Variants in HPCAL1 observed in about 807,000 individuals in gnomAD.
HPCAL1 encodes hippocalcin like 1, also known as hippocalcin-like protein 1.
A neutral mutation model predicts 17.1 loss-of-function variants in HPCAL1; 8 were observed. That is an observed-to-expected ratio of 0.47 (90% CI 0.27 to 0.84). The LOEUF (loss-of-function observed/expected upper bound fraction) is 0.84, where lower values mean the gene tolerates loss of function less well. Ranked by LOEUF, HPCAL1 falls within the 40% of genes least tolerant of loss-of-function variation. HPCAL1 has a pLI of 0.13. For synonymous variants in HPCAL1, 112 were observed against 111.4 expected (o/e 1.01, Z -0.03); for missense variants, 165 against 271.1 (o/e 0.61, Z 2.75).
chr2:10,402,573 AC>A (rs1669689332), intron 2 of HPCAL1, among the ~76,000 whole-genome samples: 2 of 152,268 alleles, frequency 1.3e-5, no homozygotes, highest in African/African-American at 4.8e-5. Flanking sequence ...TGCTGGGGCC[AC>A]CGAGGGCGGC....
At chr2:10,408,621 A>G (rs115487491) in intron 2 of HPCAL1, 3 of 152,140 alleles carry the variant, frequency 2.0e-5, no homozygotes, top group African/African-American at 7.2e-5. Flanking sequence ...GCCCCTCCCC[A>G]CCAGCCTCAT....
chr2:10,410,430 CTT>C (rs1379106434), intron 2 of HPCAL1, among the ~76,000 whole-genome samples: 4 of 102,786 alleles, frequency 3.9e-5, no homozygotes, highest in African/African-American at 1.4e-4. Flanking sequence ...TCTTTTTCTT[CTT>C]CTTCTTTTTT....
chr2:10,404,370 G>C (rs1669841538), intron 2 of HPCAL1, among the ~76,000 whole-genome samples: 1 of 152,212 alleles, frequency 6.6e-6, no homozygotes. Context: ...TGCTGGGTGA[G>C]TGTTTCCCCA....
rs1196205322 is a variant in HPCAL1 at position 10,339,900 on chromosome 2, G to A, written c.-111+36723G>A. ...GCCTGAGCCCCTGCGTGCGCCCAGC[G>A]GAGCCAGCACTCTCCCTGTGGTCCT... On this transcript the variant is annotated intron_variant, in intron 1 of 4. Transcript: ENST00000307845. Among the ~76,000 whole-genome samples the A allele has an allele frequency of 6.6e-5, 10 of 152,196 alleles. 1 individual carries two copies. Among genetic ancestry groups the A allele is most frequent in the Admixed American group, 5.2e-4 (8 of 15,284 alleles).
In HPCAL1 at chr2:10,417,213, A is replaced by C. The variant is rs551833132; in HGVS notation, c.-24-2521A>C. Among the ~76,000 whole-genome samples, 10 of 152,232 alleles carry C rather than the reference A, an allele frequency of 6.6e-5. No homozygotes were observed. The South Asian group carries it at 2.1e-3, about 32-fold the overall frequency. ...CCCCATCTCTACTAAAAATACAAAA[A>C]TTAGCTGGGCATGGTGGTGCATACC... On this transcript the variant is annotated intron_variant, in intron 2 of 4. Transcript: ENST00000307845.
At chr2:10,418,312 T>G (rs1670802869) in intron 2 of HPCAL1, among the ~76,000 whole-genome samples, 1 of 151,988 alleles carries the variant, frequency 6.6e-6, no homozygotes, top group Non-Finnish European at 1.5e-5. Flanking sequence ...TGCATGCCTA[T>G]AATCCTAGCT....
chr2:10,364,729 G>A (rs772456695), intron 1 of HPCAL1, among the ~76,000 whole-genome samples: 7 of 152,060 alleles, frequency 4.6e-5, no homozygotes, highest in Non-Finnish European at 4.4e-5. Context: ...GGGACTACAG[G>A]TGCATGCCCC....
rs1462028773 is a variant in HPCAL1, at chr2:10,363,600, C to T, written c.-110-33235C>T. On this transcript the variant is annotated intron_variant, in intron 1 of 4. Coordinates refer to ENST00000307845, the MANE Select transcript of HPCAL1 (RefSeq NM_002149.4). This position sits in a 1 kb window ranked among gnomAD's most constrained non-coding sequence, Gnocchi z 4.7. Reference sequence around the variant, plus strand: ...CGAAGCCTCCTCCTGTCAGAACCACCGGGGAGCTCACAAGCTAAAGTGCAG... The same window carrying T: ...CGAAGCCTCCTCCTGTCAGAACCACTGGGGAGCTCACAAGCTAAAGTGCAG... Among the ~76,000 whole-genome samples the T allele has an allele frequency of 1.3e-5, 2 of 152,184 alleles. No homozygotes were observed. The highest frequency in any genetic ancestry group is 6.5e-5 in the Admixed American group (1 of 15,280).
chr2:10,388,117 C>T (rs568037377), intron 1 of HPCAL1, among the ~76,000 whole-genome samples: 52 of 152,210 alleles, frequency 3.4e-4, no homozygotes, highest in Admixed American at 6.5e-4. Context: ...GCTCGTTGTC[C>T]GGCCAAGACA....
chr2:10,370,416 T>C (rs1232274366), intron 1 of HPCAL1, among the ~76,000 whole-genome samples: 1 of 152,206 alleles, frequency 6.6e-6, no homozygotes, highest in Non-Finnish European at 1.5e-5. Context: ...TTCCAACCCA[T>C]ACAAGCCCTA....
At chr2:10,389,068 C>T (rs545506086) in intron 1 of HPCAL1, among the ~76,000 whole-genome samples, 304 of 152,266 alleles carry the variant, frequency 2.0e-3, no homozygotes, top group African/African-American at 6.8e-3. Context: ...GGACTAGCTA[C>T]AACAGGGCCA....
intron 1 of HPCAL1, among the ~76,000 whole-genome samples, chr2:10,375,847 CAT>C (rs1397609690): frequency 1.3e-5 from 2 of 152,182 alleles, no homozygotes; most frequent in African/African-American, 4.8e-5. Flanking sequence ...AAATTAATGA[CAT>C]AATTCAAGAG....
At chr2:10,315,242 G>A (rs1006264592) in intron 1 of HPCAL1, among the ~76,000 whole-genome samples, 65 of 150,750 alleles carry the variant, frequency 4.3e-4, no homozygotes, top group African/African-American at 1.3e-3. Context: ...GCAGTGAGCC[G>A]AGATCGCGCC....
intron 1 of HPCAL1, among the ~76,000 whole-genome samples, chr2:10,311,228 G>T (rs1662942464): frequency 6.6e-6 from 1 of 152,116 alleles, no homozygotes; most frequent in African/African-American, 2.4e-5. Context: ...ATGCAGTTTG[G>T]AGCCCGTGCT....
intron 1 of HPCAL1, among the ~76,000 whole-genome samples, chr2:10,313,312 G>C (rs184268489): frequency 1.3e-5 from 2 of 152,292 alleles, no homozygotes; most frequent in Admixed American, 1.3e-4. Context: ...ACTTTAGGTA[G>C]GACCCTGTGG....
intron 2 of HPCAL1, among the ~76,000 whole-genome samples, chr2:10,418,446 C>CAAAA (rs58884767): frequency 2.5e-3 from 150 of 59,834 alleles, no homozygotes; most frequent in Admixed American, 3.5e-3. Flanking sequence ...GACTCCATCT[C>CAAAA]AAAAAAAAAA....
In HPCAL1 at chr2:10,360,048, G is replaced by A. The variant is rs138081249; in HGVS notation, c.-110-36787G>A. ...GTGTCGGGACCCAGCACGGGCTCCT[G>A]GCGCAGCAGGCCTCAGACCCTGGGG... On this transcript the variant is annotated intron_variant, in intron 1 of 4. Coordinates refer to ENST00000307845, the MANE Select transcript of HPCAL1 (RefSeq NM_002149.4). Among the ~76,000 whole-genome samples, 474 of 152,262 alleles carry A rather than the reference G, an allele frequency of 3.1e-3. 3 individuals are homozygous for A. The highest frequency in any genetic ancestry group is 0.011 in the African/African-American group (448 of 41,532).
At chr2:10,415,238 C>T (rs995302897) in intron 2 of HPCAL1, among the ~76,000 whole-genome samples, 12 of 151,956 alleles carry the variant, frequency 7.9e-5, no homozygotes, top group Admixed American at 3.3e-4. Flanking sequence ...GTGTGCCTCA[C>T]GCTGCCTGGG....
intron 4 of HPCAL1, chr2:10,425,191 G>A (rs766135493): frequency 1.0e-4 from 16 of 155,080 alleles, no homozygotes; most frequent in Admixed American, 1.3e-4. Flanking sequence ...GGCTGGGGCC[G>A]TGGACTCTGA....
Sources: allele counts gnomAD v4.1 joint callset (sites outside exome capture counted in the v4.1 genomes callset), GRCh38; gene constraint gnomAD v4.1.1; non-coding constraint Gnocchi (gnomAD v3.1); transcripts MANE v1.5; gene names NCBI Gene and HGNC (gene_info 2026-07-23, HGNC 2026-07-21).